Variants in RB1 observed in about 807,000 individuals in gnomAD.
RB1 encodes retinoblastoma-associated protein.
In RB1, 18 loss-of-function variants were observed where a neutral mutation model predicts 135.4. That is an observed-to-expected ratio of 0.13 (90% CI 0.09 to 0.20). The LOEUF is 0.20. Ranked by LOEUF, RB1 falls within the 10% of genes least tolerant of loss-of-function variation. The pLI, the probability that RB1 is intolerant of heterozygous loss-of-function variation, is 1.00. For synonymous variants in RB1, 365 were observed against 373.2 expected (o/e 0.98, Z 0.25); for missense variants, 868 against 1,110.0 (o/e 0.78, Z 3.10).
At chr13:48,462,305 T>G (rs1180720359) in intron 20 of RB1, among the ~76,000 whole-genome samples, 1 of 151,632 alleles carries the variant, frequency 6.6e-6, no homozygotes, top group Non-Finnish European at 1.5e-5. Context: ...TGTATTTTTT[T>G]GTACAGATAG....
intron 17 of RB1, among the ~76,000 whole-genome samples, chr13:48,397,482 G>A (rs920911575): frequency 2.0e-5 from 3 of 152,028 alleles, no homozygotes; most frequent in African/African-American, 4.8e-5. Context: ...ATCACACACC[G>A]GGGCCTGTCA....
Position 48,360,017 on chromosome 13 carries a change from G to T in RB1, c.608G>T (p.Gly203Val), listed in dbSNP as rs2138107541. Residue 203 changes from glycine (G) to valine (V), a missense_variant and splice_region_variant, in exon 7 of 27, where the codon GGG (glycine) becomes GTG (valine). Transcript: ENST00000267163. The part of the protein sequence containing the change: ...VSWITFLLAK[G>V]EVLQMEDDLV... ...TTAAAAATGTACATTTTTTTTTCAGGGGAAGTATTACAAATGGAAGATGAT... is the reference window on the plus strand; with the variant it reads ...TTAAAAATGTACATTTTTTTTTCAGTGGAAGTATTACAAATGGAAGATGAT... The T allele has an allele frequency of 6.2e-7, 1 of 1,609,964 alleles. No homozygotes were observed.
intron 12 of RB1, 98 bp from the exon 13 acceptor site, chr13:48,376,820 T>A: frequency 6.4e-7 from 1 of 1,573,088 alleles, no homozygotes. Context: ...TTCCACATTT[T>A]TATGAACAAT....
chr13:48,377,348 T>C (rs948528393), intron 13 of RB1, among the ~76,000 whole-genome samples: 1 of 152,224 alleles, frequency 6.6e-6, no homozygotes, highest in African/African-American at 2.4e-5. Flanking sequence ...CATGTATGAC[T>C]GTTCATGTAT....
At chr13:48,436,495 T>C (rs1421912249) in intron 17 of RB1, among the ~76,000 whole-genome samples, 1 of 151,936 alleles carries the variant, frequency 6.6e-6, no homozygotes, top group African/African-American at 2.4e-5. Flanking sequence ...ATACAAAAAT[T>C]AGCTGAGTAT....
chr13:48,458,387 A>G (rs1350769918), intron 19 of RB1, among the ~76,000 whole-genome samples: 1 of 152,206 alleles, frequency 6.6e-6, no homozygotes, highest in African/African-American at 2.4e-5. Context: ...GAAAGACAGT[A>G]AAAGGTCATG....
intron 21 of RB1, 67 bp from the exon 22 acceptor site, chr13:48,464,931 T>A: frequency 6.8e-7 from 1 of 1,472,898 alleles, no homozygotes; most frequent in Non-Finnish European, 9.0e-7. Context: ...GTAGAAATTT[T>A]AAAATTCATT....
rs2138331653 is a variant in RB1 at position 48,456,341 on chromosome 13, A to T, written c.1952A>T (p.Tyr651Phe). ...PLKSTSLSLF[Y>F]KKVYRLAYLR... is the part of the protein sequence containing the mutation. ...AAATCTACCTCTCTTTCACTGTTTTATAAAAAAGGTTAGTAGATGATTATT... is the reference window on the plus strand; with the variant it reads ...AAATCTACCTCTCTTTCACTGTTTTTTAAAAAAGGTTAGTAGATGATTATT... Residue 651 changes from tyrosine (Y) to phenylalanine (F), a missense_variant, in exon 19 of 27, where the codon TAT becomes TTT. By Grantham distance (22) the Tyr-to-Phe change is conservative. Coordinates refer to ENST00000267163, the MANE Select transcript of RB1 (RefSeq NM_000321.3). 2 of 1,614,166 alleles carry T rather than the reference A, an allele frequency of 1.2e-6. No homozygotes were observed. The highest frequency in any genetic ancestry group is 1.7e-6 in the Non-Finnish European group (2 of 1,180,006).
chr13:48,424,512 AAG>A (rs1362449399), intron 17 of RB1, among the ~76,000 whole-genome samples: 1 of 152,206 alleles, frequency 6.6e-6, no homozygotes, highest in African/African-American at 2.4e-5. Flanking sequence ...AAAGGAAATC[AAG>A]AGGAGTGAAA....
chr13:48,374,553 T>A (rs1335495624), intron 12 of RB1, among the ~76,000 whole-genome samples: 2 of 152,242 alleles, frequency 1.3e-5, no homozygotes, highest in African/African-American at 4.8e-5. Context: ...TTGTTTTGGC[T>A]CAGAATTGAT....
chr13:48,303,868 C>G lies in RB1; in HGVS notation c.-45C>G, dbSNP rs1207022787. The stretch of plus-strand genomic sequence containing the variant: ...CGACGTGCGCGCGCGTCGTCCTCCC[C>G]GGCGCTCCTCCACAGCTCGCTGGCT... On this transcript the variant is annotated 5_prime_UTR_variant, in exon 1 of 27. Coordinates refer to ENST00000267163, the MANE Select transcript of RB1 (RefSeq NM_000321.3). The G allele has an allele frequency of 4.0e-6, 6 of 1,506,004 alleles. No individual in the cohort carries two copies. The Admixed American group carries it at 8.3e-5, about 21-fold the overall frequency. 93.3% of individuals were successfully genotyped at this position (1,506,004 alleles called of 1,614,324 possible). A position where few individuals can be genotyped will look rare whatever the true frequency, so the allele number is the denominator to read the frequency against.
intron 26 of RB1, among the ~76,000 whole-genome samples, chr13:48,478,746 G>A (rs948746478): frequency 6.6e-6 from 1 of 152,130 alleles, no homozygotes; most frequent in Non-Finnish European, 1.5e-5. Flanking sequence ...TTTTCTTAAA[G>A]AATTACATTT....
chr13:48,339,467 C>T (rs1339617136), intron 2 of RB1, among the ~76,000 whole-genome samples: 9 of 152,324 alleles, frequency 5.9e-5, no homozygotes, highest in East Asian at 3.9e-4. Context: ...TGGGACCCTC[C>T]GAGCCAGGCA....
chr13:48,448,618 A>G (rs528663042), intron 17 of RB1, among the ~76,000 whole-genome samples: 1 of 152,354 alleles, frequency 6.6e-6, no homozygotes, highest in Non-Finnish European at 1.5e-5. Context: ...CCTACTTGAC[A>G]TGTAGAAAGG....
At chr13:48,425,904 A>T (rs1047079618) in intron 17 of RB1, among the ~76,000 whole-genome samples, 7 of 152,220 alleles carry the variant, frequency 4.6e-5, no homozygotes, top group Non-Finnish European at 8.8e-5. Context: ...AGAAGTTGTG[A>T]CTTGCTTAGG....
At chr13:48,336,270 C>T (rs1424501219) in intron 2 of RB1, among the ~76,000 whole-genome samples, 1 of 152,144 alleles carries the variant, frequency 6.6e-6, no homozygotes, top group Non-Finnish European at 1.5e-5. Context: ...GTACCAGCTC[C>T]TCTTTGTACC....
intron 1 of RB1, among the ~76,000 whole-genome samples, chr13:48,304,390 A>G (rs1481758707): frequency 6.6e-6 from 1 of 152,024 alleles, no homozygotes; most frequent in Non-Finnish European, 1.5e-5. Flanking sequence ...TAAAAATACA[A>G]AAATGGTGTC....
At chr13:48,366,883 C>T (rs1235453535) in intron 9 of RB1, among the ~76,000 whole-genome samples, 1 of 152,008 alleles carries the variant, frequency 6.6e-6, no homozygotes, top group African/African-American at 2.4e-5. Context: ...CTTTGGGAGG[C>T]CGAGGCAGGT....
At chr13:48,457,390 G>T (rs1949367512) in intron 19 of RB1, among the ~76,000 whole-genome samples, 1 of 152,178 alleles carries the variant, frequency 6.6e-6, no homozygotes, top group Non-Finnish European at 1.5e-5. Context: ...TCCATCCTCT[G>T]CTCTGCTCTG....
Sources: gnomAD v4.1 joint callset for allele counts (sites outside exome capture counted in the v4.1 genomes callset) on GRCh38, gnomAD v4.1.1 for gene constraint, MANE v1.5 for transcripts, NCBI Gene and HGNC (gene_info 2026-07-23, HGNC 2026-07-21) for gene names.